The following MECOM variants were observed in gnomAD, a reference collection of about 807,000 sequenced individuals.
The protein encoded by MECOM is MDS1 and EVI1 complex locus.
MECOM carries 13 observed loss-of-function variants against 116.3 expected under a neutral mutation model. The observed-to-expected ratio is 0.11, with a 90% confidence interval of 0.07 to 0.18. The LOEUF is 0.18. Among genes scored for constraint, MECOM ranks in the 10% least tolerant of loss-of-function variants. The pLI, the probability that MECOM is intolerant of heterozygous loss-of-function variation, is 1.00. For synonymous variants in MECOM, 528 were observed against 535.2 expected (o/e 0.99, Z 0.19); for missense variants, 1,299 against 1,509.0 (o/e 0.86, Z 2.31).
chr3:169,584,444 A>G (rs1259285955), intron 1 of MECOM, among the ~76,000 whole-genome samples: 2 of 151,646 alleles, frequency 1.3e-5, no homozygotes, highest in Admixed American at 6.6e-5. Flanking sequence ...GAGCGCCTGT[A>G]GTCCCAGCTA....
intron 1 of MECOM, among the ~76,000 whole-genome samples, chr3:169,408,608 C>T (rs1737077343): frequency 6.6e-6 from 1 of 152,082 alleles, no homozygotes; most frequent in Non-Finnish European, 1.5e-5. Flanking sequence ...AGAACTTTCT[C>T]CTGTCAGATA....
At chr3:169,439,052 G>A (rs75680467) in intron 1 of MECOM, among the ~76,000 whole-genome samples, 6,441 of 148,590 alleles carry the variant, frequency 0.043, 444 homozygotes, top group Admixed American at 0.19. Flanking sequence ...GAAAAGACAA[G>A]CTAGGAAAGA....
intron 2 of MECOM, among the ~76,000 whole-genome samples, chr3:169,207,232 C>T (rs1309356459): frequency 6.6e-6 from 1 of 152,168 alleles, no homozygotes; most frequent in East Asian, 1.9e-4. Context: ...TGAAGGATGA[C>T]ACAAGATGGA....
intron 1 of MECOM, among the ~76,000 whole-genome samples, chr3:169,651,777 A>C (rs1453561664): frequency 1.3e-5 from 2 of 152,156 alleles, no homozygotes; most frequent in African/African-American, 4.8e-5. Context: ...CCAGTAACCT[A>C]CGAAGAAGAA....
At chr3:169,146,762 T>A (rs1420476) in intron 2 of MECOM, 1,119,052 of 1,167,738 alleles carry the variant, frequency 0.96, 536,332 homozygotes, top group East Asian at 1. Context: ...ATAATAGGCA[T>A]TCACAGAAGA....
chr3:169,226,455 T>C (rs973405493), intron 2 of MECOM, among the ~76,000 whole-genome samples: 5 of 152,222 alleles, frequency 3.3e-5, no homozygotes, highest in Non-Finnish European at 1.5e-5. Flanking sequence ...TCATAAACTG[T>C]AACAATACAT....
chr3:169,299,420 G>A (rs891084482), intron 2 of MECOM, among the ~76,000 whole-genome samples: 1 of 152,096 alleles, frequency 6.6e-6, no homozygotes, highest in Non-Finnish European at 1.5e-5. Flanking sequence ...GGATCAAAAT[G>A]TTCTTGGAAT....
intron 1 of MECOM, among the ~76,000 whole-genome samples, chr3:169,608,860 TAACA>T (rs1348628914): frequency 6.6e-6 from 1 of 152,228 alleles, no homozygotes; most frequent in Non-Finnish European, 1.5e-5. Flanking sequence ...AGTTTTTATT[TAACA>T]GTTTTATTAT....
chr3:169,350,036 T>G (rs1726047868), intron 2 of MECOM, among the ~76,000 whole-genome samples: 1 of 152,036 alleles, frequency 6.6e-6, no homozygotes, highest in African/African-American at 2.4e-5. Flanking sequence ...TGAAGTGATA[T>G]GCAGTTTATG....
chr3:169,455,982 T>G (rs990856310), intron 1 of MECOM, among the ~76,000 whole-genome samples: 1 of 152,234 alleles, frequency 6.6e-6, no homozygotes, highest in South Asian at 2.1e-4. Context: ...GCAAAAGTTA[T>G]CATTTCATTA....
intron 2 of MECOM, among the ~76,000 whole-genome samples, chr3:169,248,680 G>A (rs1208651644): frequency 6.6e-6 from 1 of 152,128 alleles, no homozygotes; most frequent in Non-Finnish European, 1.5e-5. Context: ...TAGTTAAAAT[G>A]AGCTGTTATC....
chr3:169,633,626 T>G (rs1487659379), intron 1 of MECOM, among the ~76,000 whole-genome samples: 1 of 151,990 alleles, frequency 6.6e-6, no homozygotes, highest in Non-Finnish European at 1.5e-5. Context: ...ACACACACTC[T>G]GTGTCGATCA....
In MECOM at chr3:169,084,907, C is replaced by T. The variant is rs758989032; in HGVS notation, c.*2G>A. The T allele has an allele frequency of 9.9e-6, 16 of 1,613,974 alleles. No homozygotes were observed. Among genetic ancestry groups the T allele is most frequent in the Admixed American group, 6.7e-5 (4 of 60,014 alleles). On this transcript the variant is annotated 3_prime_UTR_variant, in exon 17 of 17. Coordinates refer to ENST00000651503, the MANE Select transcript of MECOM (RefSeq NM_004991.4). The stretch of plus-strand genomic sequence containing the variant: ...GTCCCACTCTGGTCAACCTTGATAA[C>T]GTCATACGTGGCTTATGGACTGGAT...
intron 2 of MECOM, among the ~76,000 whole-genome samples, chr3:169,274,023 T>G (rs1362314563): frequency 1.3e-5 from 2 of 151,082 alleles, no homozygotes; most frequent in African/African-American, 4.9e-5. Flanking sequence ...GTGAGTCTCC[T>G]GCCTCAGCCT....
intron 2 of MECOM, among the ~76,000 whole-genome samples, chr3:169,186,945 A>G (rs2149410754): frequency 1.3e-5 from 2 of 152,326 alleles, no homozygotes; most frequent in South Asian, 4.1e-4. Context: ...TACTTGATAT[A>G]TTAGTCACTG....
intron 1 of MECOM, among the ~76,000 whole-genome samples, chr3:169,558,128 T>C (rs956448146): frequency 2.6e-5 from 4 of 152,220 alleles, no homozygotes; most frequent in African/African-American, 9.6e-5. Flanking sequence ...TTCTCCCTGC[T>C]ATGATTCACC....
intron 1 of MECOM, among the ~76,000 whole-genome samples, chr3:169,580,308 T>C (rs1400059856): frequency 2.0e-5 from 3 of 152,132 alleles, no homozygotes; most frequent in East Asian, 1.9e-4. Context: ...TTCTGAGATT[T>C]TGGTGGACCC....
chr3:169,446,644 G>A (rs1028697904), intron 1 of MECOM, among the ~76,000 whole-genome samples: 2 of 152,198 alleles, frequency 1.3e-5, no homozygotes, highest in African/African-American at 4.8e-5. Context: ...GTAGTTATGT[G>A]TGTTGTGCGT....
At position 169,327,654 on chromosome 3, in the gene MECOM, A is replaced by AG. The variant is rs1349543451; in HGVS notation, c.375+53532_375+53533insC. ...GACTGTGTCTCAAAAAAAAAAAAAA[A>AG]AAAGAAAAAAAAGCATAAAAACATT... On this transcript the variant is annotated intron_variant, in intron 2 of 16. Transcript: ENST00000651503. 4.1e-3 allele frequency among the ~76,000 whole-genome samples: 630 copies of AG among 151,882 alleles called. 4 individuals are homozygous for AG. Among genetic ancestry groups the AG allele is most frequent in the African/African-American group, 0.014 (588 of 41,416 alleles).
Sources: allele counts gnomAD v4.1 joint callset (sites outside exome capture counted in the v4.1 genomes callset), GRCh38; gene constraint gnomAD v4.1.1; transcripts MANE v1.5; gene names NCBI Gene and HGNC (gene_info 2026-07-23, HGNC 2026-07-21).